The following HELZ2 variants were observed in gnomAD, a reference collection of about 807,000 sequenced individuals.
HELZ2 encodes helicase with zinc finger 2.
HELZ2 carries 143 observed loss-of-function variants against 208.8 expected under a neutral mutation model. The ratio of observed to expected loss-of-function variants is 0.68; its 90% CI spans 0.60 to 0.79. The LOEUF is 0.79. Ranked by LOEUF, HELZ2 falls within the 30% of genes least tolerant of loss-of-function variation. The pLI is 0.00. For synonymous variants in HELZ2, 1,705 were observed against 1,693.7 expected, an observed-to-expected ratio of 1.01 and a Z score of -0.16; for missense variants, 3,690 against 3,794.5, an observed-to-expected ratio of 0.97 and a Z score of 0.72.
chr20:63,562,048 C>T (rs572172957), intron 10 of HELZ2, 24 bp downstream of exon 11: 22 of 1,601,964 alleles, frequency 1.4e-5, no homozygotes, highest in Middle Eastern at 1.7e-4. Context: ...AGGCAGCCTG[C>T]GGCTCCCCCG....
At chr20:63,565,258 C>G in exon 8 of HELZ2, 1 of 1,606,506 alleles carries the variant, frequency 6.2e-7, no homozygotes, top group Non-Finnish European at 8.5e-7. Flanking sequence ...GCACGCGGCC[C>G]CGAAGCCGCC....
chr20:63,563,865 C>T (rs1322770276), exon 8 of HELZ2: 1 of 1,596,144 alleles, frequency 6.3e-7, no homozygotes, highest in East Asian at 2.3e-5. Context: ...TGCTGGTGGC[C>T]CCGGGCGCAG....
Position 63,563,401 on chromosome 20 carries a change from C to T in HELZ2, c.5421G>A (p.Pro1807=), listed in dbSNP as rs964691723. ...GCACAGTGCCAGGCAGTGGCAGGGG[C>T]GGGCTGGATCCCTGCGCTGAGTAGA... The change falls in exon 8 of 19, where the codon CCG becomes CCA. Residue 1807 remains proline, a synonymous_variant. Transcript: ENST00000467148. 14 of 1,535,556 alleles carry T rather than the reference C, an allele frequency of 9.1e-6. No homozygotes were observed. In the Admixed American group the frequency reaches 9.8e-5, roughly 11 times the overall value.
At position 63,562,384 on chromosome 20, in the gene HELZ2, TG is replaced by T; in HGVS notation, c.6303-3del. 1.9e-6 allele frequency: 3 copies of T among 1,580,624 alleles called. No homozygotes were observed. Among genetic ancestry groups the T allele is most frequent in the South Asian group, 1.1e-5 (1 of 88,326 alleles). On this transcript the variant is annotated splice_region_variant and splice_polypyrimidine_tract_variant and intron_variant, in intron 8 of 18. Transcript: ENST00000467148. ...CCACGCACGGCTTCCTCCTTGCGGC[TG>T]GGGGTGAAGGCAGACACTGGAAAAC...
rs762845251 is a variant in HELZ2 at position 63,568,458 on chromosome 20, C to CATAGA, written c.1625_1629dup (p.Gly544SerfsTer62). ...TAGGTCTTGCCGGTGCCAAAGGGGC[C>CATAGA]ATAGATGAGTAGCGGGGGGACACGC... On this transcript the variant is annotated frameshift_variant, in exon 5 of 19. Coordinates refer to ENST00000467148, the Ensembl canonical transcript of HELZ2. LOFTEE classifies it high-confidence loss of function. The CATAGA allele has an allele frequency of 6.3e-7, 1 of 1,599,926 alleles. No individual in the cohort carries two copies. The highest frequency in any genetic ancestry group is 1.1e-5 in the South Asian group (1 of 88,808).
At chr20:63,572,939 C>T (rs895411610), upstream of HELZ2, 3 of 153,240 alleles carry the variant, frequency 2.0e-5, no homozygotes, top group Non-Finnish European at 4.4e-5. Context: ...CTGCTTAAAG[C>T]GGGCCAGCAG....
exon 16 of HELZ2, chr20:63,560,695 A>G (rs2146006083): frequency 6.2e-7 from 1 of 1,608,176 alleles, no homozygotes; most frequent in Non-Finnish European, 8.5e-7. Context: ...AGATGCCCTC[A>G]TGCTGCAGGC....
chr20:63,564,645 C>A, exon 8 of HELZ2: 1 of 1,566,718 alleles, frequency 6.4e-7, no homozygotes, highest in Non-Finnish European at 8.7e-7. Flanking sequence ...AACGCAGCGC[C>A]CTGCCTTCGC....
At chr20:63,561,778 C>A in intron 11 of HELZ2, 33 bp from the exon 13 acceptor site, 1 of 1,560,330 alleles carries the variant, frequency 6.4e-7, no homozygotes, top group Non-Finnish European at 8.7e-7. Flanking sequence ...AGTCCTGCCC[C>A]GCGTGCCAGC....
At position 63,563,781 on chromosome 20, in the gene HELZ2, C is replaced by T. The variant is rs140131353; in HGVS notation, c.5041G>A (p.Val1681Met). 1.5e-4 allele frequency: 246 copies of T among 1,604,286 alleles called. No individual in the cohort carries two copies. Among genetic ancestry groups the T allele is most frequent in the Non-Finnish European group, 2.0e-4 (231 of 1,178,066 alleles). The change falls in exon 8 of 19, where the codon GTG becomes ATG. Residue 1681 changes from valine to methionine, a missense_variant. Val to Met is a conservative substitution (Grantham distance 21). This residue lies in a region of HELZ2 where 2,564 missense variants were observed against 2,580.5 expected (regional missense o/e 0.99). Coordinates refer to ENST00000467148, the Ensembl canonical transcript of HELZ2. ...AGCAGGATCTGCCGCTGCAACACCA[C>T]GTCCAGGTACCTGCGGATGGGCGAG...
At chr20:63,574,216 C>T (rs2083038201), upstream of HELZ2, 1 of 151,894 alleles carries the variant, frequency 6.6e-6, no homozygotes, top group Non-Finnish European at 1.5e-5. Context: ...CCGAGCCTGC[C>T]CAGGAGCTCT....
exon 5 of HELZ2, chr20:63,568,853 C>A (rs773785116): frequency 5.6e-6 from 9 of 1,612,268 alleles, no homozygotes; most frequent in Non-Finnish European, 7.6e-6. Flanking sequence ...GACCGCCCGG[C>A]CCAGCAGGAA....
At chr20:63,565,226 C>T (rs1285384646) in exon 8 of HELZ2, 1 of 1,608,274 alleles carries the variant, frequency 6.2e-7, no homozygotes, top group Admixed American at 1.7e-5. Flanking sequence ...CAGCTCGTGC[C>T]TCTTCCTCTT....
chr20:63,561,230 C>T (rs371582514), exon 14 of HELZ2: 4 of 1,612,864 alleles, frequency 2.5e-6, no homozygotes, highest in East Asian at 2.2e-5. Context: ...GACCTCATGC[C>T]GGTCCAGCTC....
chr20:63,567,303 C>G, exon 6 of HELZ2: 1 of 1,609,962 alleles, frequency 6.2e-7, no homozygotes, highest in Non-Finnish European at 8.5e-7. Flanking sequence ...GGGTGCCGTG[C>G]GAGGCATAGG....
At chr20:63,568,026 G>C (rs2082980845) in intron 5 of HELZ2, 1 of 534,244 alleles carries the variant, frequency 1.9e-6, no homozygotes, top group Non-Finnish European at 3.3e-6. Context: ...AACCAAAGGG[G>C]AACCTTGTGG....
At chr20:63,569,317 G>A (rs913747638) in exon 4 of HELZ2, 15 of 1,586,684 alleles carry the variant, frequency 9.5e-6, no homozygotes, top group Middle Eastern at 3.3e-4. Context: ...TCGGCCGTCC[G>A]CTCCACGCCA....
chr20:63,563,352 C>T, exon 8 of HELZ2: 2 of 1,538,060 alleles, frequency 1.3e-6, no homozygotes, highest in Non-Finnish European at 1.7e-6. Context: ...AGGGCCGTCT[C>T]CACGGCCAGG....
exon 8 of HELZ2, chr20:63,565,921 C>G: frequency 6.3e-7 from 1 of 1,598,546 alleles, no homozygotes; most frequent in South Asian, 1.1e-5. Flanking sequence ...CTGCCCCAGC[C>G]TGTGTGCCTC....
Sources: allele counts gnomAD v4.1 joint callset, GRCh38; gene constraint gnomAD v4.1.1; regional missense constraint gnomAD v4.1.1; transcripts MANE v1.5; gene names NCBI Gene and HGNC (gene_info 2026-07-23, HGNC 2026-07-21).